Variants in ZNF57 observed in about 807,000 individuals in gnomAD.
ZNF57 encodes zinc finger protein 424.
A neutral mutation model predicts 13.4 loss-of-function variants in ZNF57; 11 were observed. That is an observed-to-expected ratio of 0.82 (90% CI 0.52 to 1.36). The LOEUF (loss-of-function observed/expected upper bound fraction) is 1.36, where lower values mean the gene tolerates loss of function less well. ZNF57 is among the 40% of genes most tolerant of loss of function. The pLI is 0.00. For missense variants in ZNF57, 696 were observed against 667.5 expected, an observed-to-expected ratio of 1.04 and a Z score of -0.47; for synonymous variants, 224 against 238.5, an observed-to-expected ratio of 0.94 and a Z score of 0.56.
rs2088220069 is a variant in ZNF57, at chr19:2,917,613, C to A, written c.992C>A (p.Thr331Asn). The A allele has an allele frequency of 2.5e-6, 4 of 1,613,574 alleles. No individual in the cohort carries two copies. The highest frequency in any genetic ancestry group is 3.4e-6 in the Non-Finnish European group (4 of 1,179,760). The change falls in exon 4 of 4, where the codon ACT (threonine) becomes AAT (asparagine). Residue 331 changes from threonine to asparagine, a missense_variant. Transcript: ENST00000306908. Reference sequence around the variant, plus strand: ...TTGCGAGTCCACATGAGGATCCACACTGGGGACAAACTCTATAAATGTGAA... The same window carrying A: ...TTGCGAGTCCACATGAGGATCCACAATGGGGACAAACTCTATAAATGTGAA... ...ETLRVHMRIH[T>N]GDKLYKCEHC...
chr19:2,905,440 A>C (rs1481988115), intron 1 of ZNF57, among the ~76,000 whole-genome samples: 4 of 106,378 alleles, frequency 3.8e-5, no homozygotes, highest in Non-Finnish European at 5.5e-5. Flanking sequence ...AAGTATTTGC[A>C]TTACAGGCGT....
Position 2,910,480 on chromosome 19 carries a change from A to C in ZNF57, c.4-5042A>C, listed in dbSNP as rs1268511192. On this transcript the variant is annotated intron_variant, in intron 1 of 3. Transcript: ENST00000306908. ...TTCTTTTTTTTTTTTTTTTTTTTTG[A>C]GACAGAGTCTCACTCTGTTTCCCAG... Among the ~76,000 whole-genome samples, 16 of 19,272 alleles carry C rather than the reference A, an allele frequency of 8.3e-4. 4 individuals are homozygous for C. Among genetic ancestry groups the C allele is most frequent in the Admixed American group, 3.0e-3 (3 of 994 alleles). 12.6% of individuals were successfully genotyped at this position (19,272 alleles called of 152,430 possible).
intron 1 of ZNF57, among the ~76,000 whole-genome samples, chr19:2,904,117 C>A (rs902369001): frequency 5.9e-5 from 9 of 152,192 alleles, no homozygotes; most frequent in African/African-American, 2.2e-4. Flanking sequence ...CCCTCCTTGG[C>A]CTCCCAAAGT....
chr19:2,916,008 C>A, intron 2 of ZNF57, 70 bp from the exon 3 acceptor site: 1 of 1,513,184 alleles, frequency 6.6e-7, no homozygotes, highest in Non-Finnish European at 8.9e-7. Context: ...AAATGCTAAA[C>A]TCCTCAGTGT....
intron 1 of ZNF57, among the ~76,000 whole-genome samples, chr19:2,909,281 G>GTTTT (rs753880478): frequency 0.29 from 31,165 of 106,814 alleles, 6,403 homozygotes; most frequent in East Asian, 0.45. Context: ...ATTTATTTTT[G>GTTTT]TTTTTTTTTT....
intron 1 of ZNF57, among the ~76,000 whole-genome samples, chr19:2,913,134 A>G (rs1479320403): frequency 2.0e-5 from 3 of 152,110 alleles, no homozygotes; most frequent in Non-Finnish European, 4.4e-5. Flanking sequence ...TTGTGTTTTT[A>G]GTAGAGACGG....
rs1325255271 is a variant in ZNF57, at chr19:2,900,999, C to T, written c.-47C>T. On this transcript the variant is annotated 5_prime_UTR_variant, in exon 1 of 4. Coordinates refer to ENST00000306908, the MANE Select transcript of ZNF57 (RefSeq NM_173480.3). ...CTGTACCTTTCAGCTGCGCCGGCCGCGAGGCCACGGAGAGCTCGCCTTGGA... is the reference window on the plus strand; with the variant it reads ...CTGTACCTTTCAGCTGCGCCGGCCGTGAGGCCACGGAGAGCTCGCCTTGGA... 2 of 1,551,728 alleles carry T rather than the reference C, an allele frequency of 1.3e-6. No individual in the cohort carries two copies. The highest frequency in any genetic ancestry group is 1.4e-5 in the African/African-American group (1 of 73,158).
At position 2,918,128 on chromosome 19, in the gene ZNF57, C is replaced by A. The variant is rs751927943; in HGVS notation, c.1507C>A (p.Pro503Thr). 1.2e-6 allele frequency: 2 copies of A among 1,614,188 alleles called. No homozygotes were observed. The highest frequency in any genetic ancestry group is 3.3e-5 in the Admixed American group (2 of 60,014). ...NHVRMHTGEK[P>T]HKCKQCGMSF... ...TGTGAGGATGCACACTGGAGAGAAA[C>A]CTCACAAATGTAAACAATGTGGGAT... The change falls in exon 4 of 4, where the codon CCT becomes ACT. Residue 503 changes from proline to threonine, a missense_variant. Transcript: ENST00000306908.
At position 2,917,272 on chromosome 19, in the gene ZNF57, T is replaced by C. The variant is rs914666671; in HGVS notation, c.651T>C (p.Thr217=). Reference sequence around the variant, plus strand: ...GTTACCTCTCCCACCACGTAAAGACTCACACAGCAGAGAAAACCTACAAAT... The same window carrying C: ...GTTACCTCTCCCACCACGTAAAGACCCACACAGCAGAGAAAACCTACAAAT... ...HPRYLSHHVK[T]HTAEKTYKCE... is the part of the protein sequence containing the mutation. Residue 217 remains threonine, a synonymous_variant, in exon 4 of 4, where the codon ACT becomes ACC. Transcript: ENST00000306908. 1 of 1,614,042 alleles carries C rather than the reference T, an allele frequency of 6.2e-7. No individual in the cohort carries two copies. Among genetic ancestry groups the C allele is most frequent in the African/African-American group, 1.3e-5 (1 of 75,032 alleles).
Position 2,917,751 on chromosome 19 carries a change from C to G in ZNF57, c.1130C>G (p.Ser377Ter). ...KQCGKAFTWS[S>*]TFREHVRIHT... ...TGTGGGAAAGCCTTCACTTGGTCCT[C>G]AACGTTTAGAGAACATGTGAGAATT... The change falls in exon 4 of 4, where the codon TCA (serine) becomes TGA (stop). Residue 377 changes from serine (S) to a stop codon, truncating the protein, a stop_gained. Transcript: ENST00000306908. LOFTEE classifies it low-confidence loss of function (END_TRUNC). The G allele has an allele frequency of 6.2e-7, 1 of 1,612,348 alleles. No individual in the cohort carries two copies. The highest frequency in any genetic ancestry group is 8.5e-7 in the Non-Finnish European group (1 of 1,179,626).
Position 2,908,457 on chromosome 19 carries a change from T to C in ZNF57, c.4-7065T>C, listed in dbSNP as rs2088095657. Among the ~76,000 whole-genome samples the C allele has an allele frequency of 2.8e-5, 3 of 105,272 alleles. No homozygotes were observed. The South Asian group carries it at 8.7e-4, about 31-fold the overall frequency. The allele number at this position is 105,272 out of a possible 152,430, so 69.1% of individuals were successfully genotyped here. On this transcript the variant is annotated intron_variant, in intron 1 of 3. Transcript: ENST00000306908. Reference sequence around the variant, plus strand: ...CACATTTCATTGTTGTTGTTATTTTTTTGGTTTTTTTTTTTTTTTTTGAGA... The same window carrying C: ...CACATTTCATTGTTGTTGTTATTTTCTTGGTTTTTTTTTTTTTTTTTGAGA...
At chr19:2,902,999 G>A (rs2088041849) in intron 1 of ZNF57, among the ~76,000 whole-genome samples, 1 of 152,204 alleles carries the variant, frequency 6.6e-6, no homozygotes, top group African/African-American at 2.4e-5. Flanking sequence ...ACTGGAGGCC[G>A]CTGAGGGTGC....
intron 1 of ZNF57, 139 bp downstream of exon 1, chr19:2,901,187 G>T (rs2088026310): frequency 4.9e-6 from 6 of 1,223,636 alleles, no homozygotes; most frequent in Non-Finnish European, 6.5e-6. Flanking sequence ...GGGACCCGGG[G>T]ACGCCATCAC....
chr19:2,918,423 A>G lies in ZNF57; in HGVS notation c.*134A>G. On this transcript the variant is annotated 3_prime_UTR_variant, in exon 4 of 4. Coordinates refer to ENST00000306908, the MANE Select transcript of ZNF57 (RefSeq NM_173480.3). ...AATACCTCATTTGTAAAACAGACCC[A>G]TTAGTCGTGAATTTCCAGCTCTTTC... is the stretch of plus-strand genomic sequence containing the variant. The G allele has an allele frequency of 1.1e-6, 1 of 950,634 alleles. No individual in the cohort carries two copies. The highest frequency in any genetic ancestry group is 1.8e-5 in the South Asian group (1 of 54,162). The allele number at this position is 950,634 out of a possible 1,614,324, so 58.9% of individuals were successfully genotyped here.
At chr19:2,909,718 G>A (rs2088117335) in intron 1 of ZNF57, among the ~76,000 whole-genome samples, 1 of 46,750 alleles carries the variant, frequency 2.1e-5, no homozygotes, top group African/African-American at 4.9e-5. Context: ...TTTAGAAATG[G>A]GGTCTCACTG....
chr19:2,910,428 C>G lies in ZNF57; in HGVS notation c.4-5094C>G, dbSNP rs1318140118. 4.7e-5 allele frequency among the ~76,000 whole-genome samples: 2 copies of G among 42,388 alleles called. 1 individual carries two copies. The highest frequency in any genetic ancestry group is 1.5e-4 in the Non-Finnish European group (2 of 13,494). The allele number at this position is 42,388 out of a possible 152,430, so 27.8% of individuals were successfully genotyped here. On this transcript the variant is annotated intron_variant, in intron 1 of 3. Coordinates refer to ENST00000306908, the MANE Select transcript of ZNF57 (RefSeq NM_173480.3). ...ATTCAACTCTGTGCTTATTGATGTT[C>G]CACGTGCTTGATCTGTTTCTTTTCT... is the stretch of plus-strand genomic sequence containing the variant.
At chr19:2,916,576 C>T (rs981850688) in intron 3 of ZNF57, 5 of 238,150 alleles carry the variant, frequency 2.1e-5, no homozygotes, top group South Asian at 1.5e-4. Context: ...AATAGCCGAG[C>T]GTGGTGGCAG....
At chr19:2,913,008 C>T (rs1229947788) in intron 1 of ZNF57, among the ~76,000 whole-genome samples, 1 of 152,184 alleles carries the variant, frequency 6.6e-6, no homozygotes, top group Non-Finnish European at 1.5e-5. Context: ...GGCTGGAGTG[C>T]AATGGTGCGA....
At chr19:2,916,358 AC>A (rs1231265006) in intron 3 of ZNF57, 109 bp downstream of exon 3, 2 of 1,039,808 alleles carry the variant, frequency 1.9e-6, no homozygotes, top group Non-Finnish European at 2.6e-6. Flanking sequence ...CAGAATTTTA[AC>A]CAAAAAAAAA....
Sources: gnomAD v4.1 joint callset for allele counts (sites outside exome capture counted in the v4.1 genomes callset) on GRCh38, gnomAD v4.1.1 for gene constraint, MANE v1.5 for transcripts, NCBI Gene and HGNC (gene_info 2026-07-23, HGNC 2026-07-21) for gene names.